LRRC4C: variants seen among roughly 807,000 people sequenced by gnomAD.
The protein encoded by LRRC4C is leucine rich repeat containing 4C, also known as leucine-rich repeat-containing protein 4C.
In LRRC4C, 5 loss-of-function variants were observed where a neutral mutation model predicts 33.6. That is an observed-to-expected ratio of 0.15 (90% CI 0.08 to 0.31). The LOEUF (loss-of-function observed/expected upper bound fraction) is 0.31. LRRC4C is among the 10% of genes least tolerant of loss of function. The pLI is 1.00. For synonymous variants in LRRC4C, 329 were observed against 302.0 expected, an observed-to-expected ratio of 1.09 and a Z score of -0.93; for missense variants, 560 against 796.7, an observed-to-expected ratio of 0.70 and a Z score of 3.58.
intron 1 of LRRC4C, among the ~76,000 whole-genome samples, chr11:41,042,610 T>G (rs139749738): frequency 6.6e-6 from 1 of 152,236 alleles, no homozygotes; most frequent in Admixed American, 6.5e-5. Context: ...TAATATTTTT[T>G]CTGCATTTCA....
chr11:41,448,122 G>GTCTTTTTTTTTTTTTTTTTTTTTTTT, intron 1 of LRRC4C, among the ~76,000 whole-genome samples: 1 of 46,948 alleles, frequency 2.1e-5, no homozygotes, highest in Non-Finnish European at 4.4e-5. Context: ...GCACACGTCT[G>GTCTTTTTTTTTTTTTTTTTTTTTTTT]TTTTTTTTTT....
At chr11:40,819,101 T>C (rs1043638164) in intron 2 of LRRC4C, among the ~76,000 whole-genome samples, 2 of 152,100 alleles carry the variant, frequency 1.3e-5, no homozygotes, top group Non-Finnish European at 2.9e-5. Flanking sequence ...CGTAATCCTG[T>C]TTTTTCTTTA....
intron 2 of LRRC4C, among the ~76,000 whole-genome samples, chr11:40,886,945 T>C (rs975474670): frequency 6.8e-6 from 1 of 146,018 alleles, no homozygotes; most frequent in Non-Finnish European, 1.5e-5. Flanking sequence ...TGTACGTATA[T>C]ATACACGTGT....
intron 1 of LRRC4C, among the ~76,000 whole-genome samples, chr11:41,054,359 G>T (rs1437296987): frequency 6.6e-6 from 1 of 152,202 alleles, no homozygotes; most frequent in African/African-American, 2.4e-5. Flanking sequence ...GAAACTGAAA[G>T]ACAGCATGAA....
At chr11:40,350,987 G>T (rs1402973135) in intron 3 of LRRC4C, among the ~76,000 whole-genome samples, 1 of 151,908 alleles carries the variant, frequency 6.6e-6, no homozygotes, top group African/African-American at 2.4e-5. Context: ...TTTTTTGATG[G>T]AGTTTTCAAA....
intron 1 of LRRC4C, among the ~76,000 whole-genome samples, chr11:41,386,351 G>A (rs1953359749): frequency 6.6e-6 from 1 of 151,530 alleles, no homozygotes; most frequent in South Asian, 2.1e-4. Context: ...ACTTATGGAG[G>A]AGTTTCAAAA....
chr11:40,453,965 A>G (rs568434927), intron 3 of LRRC4C, among the ~76,000 whole-genome samples: 5 of 152,184 alleles, frequency 3.3e-5, no homozygotes, highest in East Asian at 3.9e-4. Flanking sequence ...ATCTCACTAA[A>G]TAAGTTAAAA....
chr11:40,852,677 A>G (rs1249428903), intron 2 of LRRC4C, among the ~76,000 whole-genome samples: 1 of 152,194 alleles, frequency 6.6e-6, no homozygotes, highest in African/African-American at 2.4e-5. Context: ...ATAAAAATCT[A>G]AGGATAAAAA....
At chr11:40,466,221 A>T (rs1952645366) in intron 3 of LRRC4C, among the ~76,000 whole-genome samples, 1 of 152,078 alleles carries the variant, frequency 6.6e-6, no homozygotes, top group Non-Finnish European at 1.5e-5. Flanking sequence ...ATGTGTACAC[A>T]TGGACAGAGA....
At chr11:40,659,356 T>C (rs1943302162) in intron 2 of LRRC4C, among the ~76,000 whole-genome samples, 1 of 152,140 alleles carries the variant, frequency 6.6e-6, no homozygotes, top group Non-Finnish European at 1.5e-5. Flanking sequence ...AGAAGGCAGA[T>C]AGGTTCCCAG....
In LRRC4C at chr11:40,114,928, T is replaced by C. The variant is rs1427371433; in HGVS notation, c.1365A>G (p.Ser455=). The C allele has an allele frequency of 6.2e-7, 1 of 1,614,056 alleles. No individual in the cohort carries two copies. Among genetic ancestry groups the C allele is most frequent in the Non-Finnish European group, 8.5e-7 (1 of 1,180,032 alleles). Residue 455 remains serine, a synonymous_variant, in exon 7 of 7, where the codon TCA becomes TCG. Transcript: ENST00000528697. Reference sequence around the variant, plus strand: ...GTTCCATAGTCTCTACTGTGACGGTTGAAAAGTAAGAGAAAGGAGTAGTGG... The same window carrying C: ...GTTCCATAGTCTCTACTGTGACGGTCGAAAAGTAAGAGAAAGGAGTAGTGG... ...AATTTPFSYF[S]TVTVETMEPS...
chr11:41,305,967 C>T (rs7937942), intron 1 of LRRC4C, among the ~76,000 whole-genome samples: 18,623 of 147,510 alleles, frequency 0.13, 1,325 homozygotes, highest in Middle Eastern at 0.23. Context: ...CAGAGGCTGG[C>T]GGGATCCTCC....
chr11:40,216,192 A>G (rs1195161010), intron 5 of LRRC4C, among the ~76,000 whole-genome samples: 1 of 152,094 alleles, frequency 6.6e-6, no homozygotes, highest in Non-Finnish European at 1.5e-5. Context: ...ATCACTCACT[A>G]CTTGGGGTAA....
Position 41,138,662 on chromosome 11 carries a change from T to C in LRRC4C, c.-495-204939A>G, listed in dbSNP as rs576816155. On this transcript the variant is annotated intron_variant, in intron 1 of 6. Transcript: ENST00000528697. Reference sequence around the variant, plus strand: ...ACCTCTATAAAATCTAAATTGTGAATATCCAATTGTACCAGATGTCAGCTT... The same window carrying C: ...ACCTCTATAAAATCTAAATTGTGAACATCCAATTGTACCAGATGTCAGCTT... Among the ~76,000 whole-genome samples the C allele has an allele frequency of 4.6e-5, 7 of 152,320 alleles. No homozygotes were observed. The South Asian group carries it at 1.4e-3, about 32-fold the overall frequency.
chr11:40,936,065 T>TATATATATATATATATATAA (rs1555008817), intron 1 of LRRC4C, among the ~76,000 whole-genome samples: 5 of 75,828 alleles, frequency 6.6e-5, no homozygotes, highest in South Asian at 4.3e-4. Flanking sequence ...TATATATATA[T>TATATATATATATATATATAA]AACATAGTTT....
intron 1 of LRRC4C, among the ~76,000 whole-genome samples, chr11:41,018,920 C>T (rs1590254337): frequency 6.6e-6 from 1 of 152,000 alleles, no homozygotes; most frequent in African/African-American, 2.4e-5. Context: ...GTAAAATTTA[C>T]CCTTTTTAGG....
chr11:40,806,851 G>A (rs1196558619), intron 2 of LRRC4C, among the ~76,000 whole-genome samples: 1 of 152,062 alleles, frequency 6.6e-6, no homozygotes, highest in East Asian at 1.9e-4. Context: ...CCTGATGTCT[G>A]CTAGGAGACA....
chr11:40,779,640 A>G (rs943410881), intron 2 of LRRC4C, among the ~76,000 whole-genome samples: 9 of 152,164 alleles, frequency 5.9e-5, no homozygotes, highest in African/African-American at 1.9e-4. Context: ...GAAAATTGTT[A>G]TAGAGTCACG....
At chr11:40,702,251 G>A (rs1565651509) in intron 2 of LRRC4C, among the ~76,000 whole-genome samples, 1 of 152,004 alleles carries the variant, frequency 6.6e-6, no homozygotes. Flanking sequence ...AAATATGGTT[G>A]CTTTTATCCA....
Sources: allele counts gnomAD v4.1 joint callset (sites outside exome capture counted in the v4.1 genomes callset), GRCh38; gene constraint gnomAD v4.1.1; transcripts MANE v1.5; gene names NCBI Gene and HGNC (gene_info 2026-07-23, HGNC 2026-07-21).